TRMU: variants seen among roughly 807,000 people sequenced by gnomAD.
TRMU encodes the protein tRNA mitochondrial 2-thiouridylase, also known as mitochondrial tRNA-specific 2-thiouridylase 1.
In TRMU, 49 loss-of-function variants were observed where a neutral mutation model predicts 46.9. The observed-to-expected ratio is 1.05, with a 90% CI of 0.83 to 1.33. The LOEUF is 1.33. Ranked by LOEUF, TRMU falls within the 40% of genes most tolerant of loss-of-function variation. TRMU has a pLI of 0.00. For missense variants in TRMU, 572 were observed against 532.4 expected (o/e 1.07, Z -0.73); for synonymous variants, 241 against 200.9 (o/e 1.20, Z -1.69).
chr22:46,355,471 T>G lies in TRMU; in HGVS notation c.901T>G (p.Tyr301Asp), dbSNP rs2078572337. The G allele has an allele frequency of 6.2e-7, 1 of 1,612,944 alleles. No homozygotes were observed. The highest frequency in any genetic ancestry group is 1.7e-5 in the Admixed American group (1 of 60,000). The stretch of plus-strand genomic sequence containing the variant: ...CCCCCGGACAGACCACCCAGCCCTG[T>G]ACAGGGACCTGCTGAGGACCAGCCG... ...VAPRTDHPAL[Y>D]RDLLRTSRVH... Residue 301 changes from tyrosine (Y) to aspartate (D), a missense_variant, in exon 9 of 11, where the codon TAC becomes GAC. By Grantham distance (160) the Tyr-to-Asp change is radical. Transcript: ENST00000645190.
At position 46,338,576 on chromosome 22, in the gene TRMU, G is replaced by A. The variant is rs2078040449; in HGVS notation, c.248+632G>A. ...CTATCAGTCACTGAACCCAGAGGAG[G>A]GAGAAACTTGCAGTGTGGAGTAATC... On this transcript the variant is annotated intron_variant, in intron 2 of 10. Coordinates refer to ENST00000645190, the MANE Select transcript of TRMU (RefSeq NM_018006.5). The surrounding 1 kb of genome is among the most constrained non-coding windows in gnomAD (Gnocchi z 4.5). Among the ~76,000 whole-genome samples, 1 of 152,226 alleles carries A rather than the reference G, an allele frequency of 6.6e-6. No individual in the cohort carries two copies. Among genetic ancestry groups the A allele is most frequent in the Admixed American group, 6.5e-5 (1 of 15,288 alleles).
chr22:46,351,977 G>A lies in TRMU; in HGVS notation c.652-144G>A. ...CGCCGGCTGTGACTGGCGGCCGAGGGTGCCGGTGGGCAGCCGGGCCCCTAC... is the reference window on the plus strand; with the variant it reads ...CGCCGGCTGTGACTGGCGGCCGAGGATGCCGGTGGGCAGCCGGGCCCCTAC... On this transcript the variant is annotated intron_variant, in intron 5 of 10. Coordinates refer to ENST00000645190, the MANE Select transcript of TRMU (RefSeq NM_018006.5). The surrounding 1 kb of genome is among the most constrained non-coding windows in gnomAD (Gnocchi z 6.4). 1.1e-6 allele frequency: 1 copy of A among 873,430 alleles called. No homozygotes were observed. Among genetic ancestry groups the A allele is most frequent in the Non-Finnish European group, 1.9e-6 (1 of 517,364 alleles). 54.1% of individuals were successfully genotyped at this position (873,430 alleles called of 1,614,324 possible).
rs1569080849 is a variant in TRMU, at chr22:46,351,828, G to A, written c.652-293G>A. The A allele has an allele frequency of 3.9e-6, 2 of 509,890 alleles. No homozygotes were observed. The highest frequency in any genetic ancestry group is 7.1e-6 in the Non-Finnish European group (2 of 280,374). 31.6% of individuals were successfully genotyped at this position (509,890 alleles called of 1,614,324 possible). On this transcript the variant is annotated intron_variant, in intron 5 of 10. Coordinates refer to ENST00000645190, the MANE Select transcript of TRMU (RefSeq NM_018006.5). The surrounding 1 kb of genome is among the most constrained non-coding windows in gnomAD (Gnocchi z 6.4). ...CTCCCCCACTCCTCGCAGGACAGTG[G>A]CCTGAAGGACCTGACCGGGTTCTGC... is the stretch of plus-strand genomic sequence containing the variant.
In TRMU at chr22:46,342,670, G is replaced by A. The variant is rs1370792281; in HGVS notation, c.249-592G>A. Among the ~76,000 whole-genome samples, 6 of 152,182 alleles carry A rather than the reference G, an allele frequency of 3.9e-5. No individual in the cohort carries two copies. In the South Asian group the frequency reaches 1.2e-3, roughly 32 times the overall value. On this transcript the variant is annotated intron_variant, in intron 2 of 10. Transcript: ENST00000645190. This position sits in a 1 kb window ranked among gnomAD's most constrained non-coding sequence, Gnocchi z 4.7. Reference sequence around the variant, plus strand: ...CATCTCTATAAAAAAAGAAAAGGTTGCAGTGGGCCAGGTGCGGTGGCTCAC... The same window carrying A: ...CATCTCTATAAAAAAAGAAAAGGTTACAGTGGGCCAGGTGCGGTGGCTCAC...
In TRMU at chr22:46,344,743, C is replaced by T. The variant is rs188039176; in HGVS notation, c.355+1375C>T. 7.2e-5 allele frequency among the ~76,000 whole-genome samples: 11 copies of T among 152,330 alleles called. No homozygotes were observed. In the East Asian group the frequency reaches 1.2e-3, roughly 16 times the overall value. On this transcript the variant is annotated intron_variant, in intron 3 of 10. Coordinates refer to ENST00000645190, the MANE Select transcript of TRMU (RefSeq NM_018006.5). ...TGCAGCACAGGATGAGAGGACATGACGCCCAGACTTCTGAACTCACCGCGC... is the reference window on the plus strand; with the variant it reads ...TGCAGCACAGGATGAGAGGACATGATGCCCAGACTTCTGAACTCACCGCGC...
intron 3 of TRMU, 113 bp from the exon 4 acceptor site, chr22:46,346,309 C>A (rs2078255581): frequency 1.5e-6 from 2 of 1,337,118 alleles, no homozygotes; most frequent in South Asian, 2.8e-5. Flanking sequence ...ATTGTGCAGC[C>A]CCTCAGCCTA....
rs550458238 is a variant in TRMU at position 46,357,246 on chromosome 22, C to T, written c.*240C>T. On this transcript the variant is annotated 3_prime_UTR_variant, in exon 11 of 11. Coordinates refer to ENST00000645190, the MANE Select transcript of TRMU (RefSeq NM_018006.5). Reference sequence around the variant, plus strand: ...TGGGGTGGCCCGAGTTCCCCTTCACCGCCCCCAGGGAGGGTTTCCCACCTC... The same window carrying T: ...TGGGGTGGCCCGAGTTCCCCTTCACTGCCCCCAGGGAGGGTTTCCCACCTC... The T allele has an allele frequency of 3.7e-4, 223 of 599,558 alleles. 2 individuals are homozygous for T. The highest frequency in any genetic ancestry group is 1.4e-3 in the East Asian group (48 of 34,920). 37.1% of individuals were successfully genotyped at this position (599,558 alleles called of 1,614,324 possible). A position where few individuals can be genotyped will look rare whatever the true frequency, so the allele number is the denominator to read the frequency against.
chr22:46,343,397 T>G (rs770275505), intron 3 of TRMU, 29 bp downstream of exon 3: 74 of 1,564,364 alleles, frequency 4.7e-5, no homozygotes, highest in Middle Eastern at 3.9e-4. Flanking sequence ...AAACATTTTT[T>G]TTTTTAAAGA....
In TRMU at chr22:46,349,242, CAAGT is replaced by C. The variant is rs2078341121; in HGVS notation, c.479-1045_479-1042del. 6.6e-6 allele frequency among the ~76,000 whole-genome samples: 1 copy of C among 152,166 alleles called. No individual in the cohort carries two copies. The highest frequency in any genetic ancestry group is 1.5e-5 in the Non-Finnish European group (1 of 68,032). On this transcript the variant is annotated intron_variant, in intron 4 of 10. Transcript: ENST00000645190. This position sits in a 1 kb window ranked among gnomAD's most constrained non-coding sequence, Gnocchi z 4.6. ...ACTCAGTTCTGCTGTTTGTACCTGC[CAAGT>C]AAGGGAGGGGGACTCGGGAGGCTGG...
At position 46,347,794 on chromosome 22, in the gene TRMU, C is replaced by G. The variant is rs1236645331; in HGVS notation, c.478+1250C>G. ...AGCTGGATTTCAGTGCACTTCCGCTCACTCCCCAGCCCCTGCTGCTTCTGC... is the reference window on the plus strand; with the variant it reads ...AGCTGGATTTCAGTGCACTTCCGCTGACTCCCCAGCCCCTGCTGCTTCTGC... On this transcript the variant is annotated intron_variant, in intron 4 of 10. Coordinates refer to ENST00000645190, the MANE Select transcript of TRMU (RefSeq NM_018006.5). The surrounding 1 kb of genome is among the most constrained non-coding windows in gnomAD (Gnocchi z 5.0). Among the ~76,000 whole-genome samples, 2 of 152,208 alleles carry G rather than the reference C, an allele frequency of 1.3e-5. No individual in the cohort carries two copies. The highest frequency in any genetic ancestry group is 4.8e-5 in the African/African-American group (2 of 41,448).
Position 46,355,611 on chromosome 22 carries a change from A to C in TRMU, c.1018+23A>C, listed in dbSNP as rs376056388. The stretch of plus-strand genomic sequence containing the variant: ...TAGGTGACTGACGGGAGGGCTCCTG[A>C]GGACGGGCCCCTTGAAGCTGAGCTT... On this transcript the variant is annotated intron_variant, in intron 9 of 10. Transcript: ENST00000645190. 11 of 1,613,118 alleles carry C rather than the reference A, an allele frequency of 6.8e-6. No homozygotes were observed. In the African/African-American group the frequency reaches 1.5e-4, roughly 22 times the overall value.
chr22:46,337,678 A>G (rs924050639), intron 1 of TRMU, 101 bp from the exon 2 acceptor site: 21 of 1,483,944 alleles, frequency 1.4e-5, no homozygotes, highest in Admixed American at 1.9e-5. Context: ...ACAGAGGCAC[A>G]GGAGCACAGC....
chr22:46,344,498 T>C (rs749776892), intron 3 of TRMU, among the ~76,000 whole-genome samples: 1 of 152,204 alleles, frequency 6.6e-6, no homozygotes, highest in Non-Finnish European at 1.5e-5. Context: ...TAGGATGACA[T>C]TCTTTGTGTG....
Position 46,346,423 on chromosome 22 carries a change from G to A in TRMU, c.357G>A (p.Gly119=). Residue 119 remains glycine, a splice_region_variant and synonymous_variant, in exon 4 of 11, where the codon GGG becomes GGA. Transcript: ENST00000645190. ...CCTTGTGTTCTAAAAACCTCACAGGGGCAGATGCCATTGCCACAGGTCACT... is the reference window on the plus strand; with the variant it reads ...CCTTGTGTTCTAAAAACCTCACAGGAGCAGATGCCATTGCCACAGGTCACT... The part of the protein sequence containing the change: ...CFFHYAVDNL[G]ADAIATGHYA... 1 of 1,612,632 alleles carries A rather than the reference G, an allele frequency of 6.2e-7. No individual in the cohort carries two copies. Among genetic ancestry groups the A allele is most frequent in the Non-Finnish European group, 8.5e-7 (1 of 1,179,072 alleles).
chr22:46,352,233 C>A, intron 6 of TRMU, 31 bp from the exon 7 acceptor site: 1 of 1,614,190 alleles, frequency 6.2e-7, no homozygotes, highest in Non-Finnish European at 8.5e-7. Flanking sequence ...GGGCCTAGAT[C>A]TCCGTCGGTA....
At chr22:46,345,371 G>C (rs114833787) in intron 3 of TRMU, among the ~76,000 whole-genome samples, 3,024 of 152,286 alleles carry the variant, frequency 0.02, 102 homozygotes, top group African/African-American at 0.067. Context: ...GCTGCGCCTG[G>C]CCCAAATATC....
chr22:46,357,226 TG>T lies in TRMU; in HGVS notation c.*222del. On this transcript the variant is annotated 3_prime_UTR_variant, in exon 11 of 11. Transcript: ENST00000645190. ...CTGGAGCATCTGCTGGCTGGTGGGG[TG>T]GCCCGAGTTCCCCTTCACCGCCCCC... is the stretch of plus-strand genomic sequence containing the variant. 1 of 642,738 alleles carries T rather than the reference TG, an allele frequency of 1.6e-6. No homozygotes were observed. The highest frequency in any genetic ancestry group is 2.8e-5 in the East Asian group (1 of 36,198). 39.8% of individuals were successfully genotyped at this position (642,738 alleles called of 1,614,324 possible). A position where few individuals can be genotyped will look rare whatever the true frequency, so the allele number is the denominator to read the frequency against.
In TRMU at chr22:46,335,861, G is replaced by A. The variant is rs746143101; in HGVS notation, c.82+15G>A. The A allele has an allele frequency of 1.5e-5, 23 of 1,535,448 alleles. No homozygotes were observed. Among genetic ancestry groups the A allele is most frequent in the South Asian group, 1.1e-4 (9 of 83,820 alleles). ...GAGGCGGAGAGGTGAGGCGTCCGAG[G>A]CTCCCGCCCCCCGCCGAGCGAATGT... On this transcript the variant is annotated intron_variant, in intron 1 of 10. Coordinates refer to ENST00000645190, the MANE Select transcript of TRMU (RefSeq NM_018006.5).
chr22:46,343,603 TGGC>T, intron 3 of TRMU, among the ~76,000 whole-genome samples: 1 of 152,214 alleles, frequency 6.6e-6, no homozygotes, highest in African/African-American at 2.4e-5. Flanking sequence ...CTCAGATTTC[TGGC>T]CTTAAGCAGT....
Sources: allele counts gnomAD v4.1 joint callset (sites outside exome capture counted in the v4.1 genomes callset), GRCh38; gene constraint gnomAD v4.1.1; non-coding constraint Gnocchi (gnomAD v3.1); transcripts MANE v1.5; gene names NCBI Gene and HGNC (gene_info 2026-07-23, HGNC 2026-07-21).